The following RAD54L variants were observed in gnomAD, a reference collection of about 807,000 sequenced individuals.
RAD54L encodes the protein DNA repair and recombination protein RAD54-like.
A neutral mutation model predicts 91.6 loss-of-function variants in RAD54L; 74 were observed. The ratio of observed to expected loss-of-function variants is 0.81; its 90% confidence interval spans 0.67 to 0.98. The LOEUF is 0.98. Among genes scored for constraint, RAD54L ranks in the 50% least tolerant of loss-of-function variants. The pLI is 0.00. For synonymous variants in RAD54L, 304 were observed against 349.7 expected (o/e 0.87, Z 1.46); for missense variants, 887 against 945.7 (o/e 0.94, Z 0.81).
Position 46,260,611 on chromosome 1 carries a change from G to A in RAD54L, c.477G>A (p.Glu159=). 6.2e-7 allele frequency: 1 copy of A among 1,614,000 alleles called. No individual in the cohort carries two copies. ...AGGTTTTGCGGCCTCATCAGAGAGA[G>A]GTAAATGAGGGTGAGGGGAACGAGG... is the stretch of plus-strand genomic sequence containing the variant. ...LSKVLRPHQR[E]GVKFLWECVT... is the part of the protein sequence containing the mutation. The change falls in exon 6 of 18, where the codon GAG becomes GAA. Residue 159 remains glutamate, a splice_region_variant and synonymous_variant. Coordinates refer to ENST00000371975, the MANE Select transcript of RAD54L (RefSeq NM_003579.4).
At chr1:46,275,128 G>T (rs1045010171) in intron 16 of RAD54L, among the ~76,000 whole-genome samples, 1 of 152,166 alleles carries the variant, frequency 6.6e-6, no homozygotes, top group Non-Finnish European at 1.5e-5. Context: ...CTTCCTTGCT[G>T]CAGTCCTCTA....
intron 10 of RAD54L, among the ~76,000 whole-genome samples, chr1:46,271,880 T>A (rs1486073327): frequency 6.6e-6 from 1 of 152,046 alleles, no homozygotes; most frequent in African/African-American, 2.4e-5. Flanking sequence ...CCTGTATCAA[T>A]GGGAAGCCTC....
chr1:46,261,444 A>C (rs1412279837), intron 8 of RAD54L, 59 bp downstream of exon 8: 12 of 1,600,538 alleles, frequency 7.5e-6, no homozygotes, highest in Non-Finnish European at 9.4e-6. Flanking sequence ...CTCTTCACTG[A>C]GTATTGCCTT....
chr1:46,248,514 G>A lies in RAD54L; in HGVS notation c.6G>A (p.Arg2=). 1.9e-6 allele frequency: 3 copies of A among 1,614,160 alleles called. No homozygotes were observed. The highest frequency in any genetic ancestry group is 1.6e-4 in the Middle Eastern group (1 of 6,062). The stretch of plus-strand genomic sequence containing the variant: ...CTGTTTCTGTTCTCCCTTTACAGAG[G>A]AGGAGCTTGGCTCCCAGCCAGCTGG... M[R]RSLAPSQLAK... Residue 2 remains arginine, a splice_region_variant and synonymous_variant, in exon 2 of 18, where the codon AGG becomes AGA. Coordinates refer to ENST00000371975, the MANE Select transcript of RAD54L (RefSeq NM_003579.4).
At chr1:46,276,479 C>G (rs901747046) in intron 16 of RAD54L, among the ~76,000 whole-genome samples, 9 of 152,158 alleles carry the variant, frequency 5.9e-5, no homozygotes, top group African/African-American at 2.2e-4. Flanking sequence ...GAATGTTGTT[C>G]TTAATGGCTC....
At chr1:46,264,654 C>T (rs972866789) in intron 8 of RAD54L, among the ~76,000 whole-genome samples, 3 of 152,224 alleles carry the variant, frequency 2.0e-5, no homozygotes, top group Admixed American at 6.5e-5. Flanking sequence ...TTGACGTCAT[C>T]GTCATCTCAA....
Position 46,265,752 on chromosome 1 carries a change from T to A in RAD54L, c.892-1707T>A, listed in dbSNP as rs1179646728. 1.3e-5 allele frequency among the ~76,000 whole-genome samples: 2 copies of A among 152,224 alleles called. No individual in the cohort carries two copies. Among genetic ancestry groups the A allele is most frequent in the African/African-American group, 2.4e-5 (1 of 41,456 alleles). On this transcript the variant is annotated intron_variant, in intron 8 of 17. Coordinates refer to ENST00000371975, the MANE Select transcript of RAD54L (RefSeq NM_003579.4). The surrounding 1 kb of genome is among the most constrained non-coding windows in gnomAD (Gnocchi z 4.8). ...ATAAAGTACAGTAGAGTGTGATTAG[T>A]ACTCTAGTATATATATTATGGATGA...
rs756150051 is a variant in RAD54L at position 46,278,142 on chromosome 1, G to T, written c.2104G>T (p.Asp702Tyr). ...PPPDGSDCTSDLAGWNHCTDK... is the reference protein window; with the variant it reads ...PPPDGSDCTSYLAGWNHCTDK... ...CCCTGATGGTTCTGACTGCACTTCA[G>T]ACCTGGCAGGGTGGAACCACTGCAC... Residue 702 changes from aspartate (D) to tyrosine (Y), a missense_variant, in exon 18 of 18, where the codon GAC (aspartate) becomes TAC (tyrosine). Asp to Tyr is a radical substitution (Grantham distance 160, BLOSUM62 -3). Coordinates refer to ENST00000371975, the MANE Select transcript of RAD54L (RefSeq NM_003579.4). 2 of 1,613,780 alleles carry T rather than the reference G, an allele frequency of 1.2e-6. No individual in the cohort carries two copies. The highest frequency in any genetic ancestry group is 2.2e-5 in the South Asian group (2 of 90,984).
chr1:46,253,741 T>TTTTTTTTTA (rs1659865630), intron 3 of RAD54L, among the ~76,000 whole-genome samples: 11 of 146,146 alleles, frequency 7.5e-5, no homozygotes, highest in Non-Finnish European at 9.0e-5. Context: ...TTTTTTTTTT[T>TTTTTTTTTA]GAGACAGAGT....
Position 46,261,195 on chromosome 1 carries a change from GTTTT to G in RAD54L, c.767-61_767-58del, listed in dbSNP as rs1277499745. The G allele has an allele frequency of 4.5e-6, 7 of 1,554,958 alleles. No homozygotes were observed. In the Admixed American group the frequency reaches 1.2e-4, roughly 27 times the overall value. On this transcript the variant is annotated intron_variant, in intron 7 of 17. Transcript: ENST00000371975. Reference sequence around the variant, plus strand: ...GGCTAAATTAAAGAACTGTCTAATTGTTTTTTTTGTTTTTTTTTTTTTCAAAAGA... The same window carrying G: ...GGCTAAATTAAAGAACTGTCTAATTGTTTTGTTTTTTTTTTTTTCAAAAGA...
At chr1:46,255,308 T>C (rs1308362098) in intron 3 of RAD54L, among the ~76,000 whole-genome samples, 1 of 152,178 alleles carries the variant, frequency 6.6e-6, no homozygotes, top group African/African-American at 2.4e-5. Context: ...AGTGATTCTC[T>C]GCAGAAATGG....
chr1:46,260,003 G>A lies in RAD54L; in HGVS notation c.311G>A (p.Gly104Glu), dbSNP rs753238221. 6.2e-7 allele frequency: 1 copy of A among 1,614,114 alleles called. No homozygotes were observed. The highest frequency in any genetic ancestry group is 8.5e-7 in the Non-Finnish European group (1 of 1,180,014). ...CGAGCATTGGGCCTGAAAAGGGCTG[G>A]GGTCCGCCGGGCCCTCCATGACCCC... ...GSRALGLKRA[G>E]VRRALHDPLE... is the part of the protein sequence containing the mutation. Residue 104 changes from glycine (G) to glutamate (E), a missense_variant, in exon 5 of 18, where the codon GGG becomes GAG. Gly to Glu is a moderately conservative substitution (Grantham distance 98). Transcript: ENST00000371975.
In RAD54L at chr1:46,261,395, T is replaced by C. The variant is rs1417049658; in HGVS notation, c.891+10T>C. 1 of 1,614,056 alleles carries C rather than the reference T, an allele frequency of 6.2e-7. No individual in the cohort carries two copies. The highest frequency in any genetic ancestry group is 1.7e-5 in the Admixed American group (1 of 60,018). ...GGTCATATGTGACGAGGTACTTGACTCTCAGCAGTCTGGGTGGTAGGAGAA... is the reference window on the plus strand; with the variant it reads ...GGTCATATGTGACGAGGTACTTGACCCTCAGCAGTCTGGGTGGTAGGAGAA... On this transcript the variant is annotated intron_variant, in intron 8 of 17. Coordinates refer to ENST00000371975, the MANE Select transcript of RAD54L (RefSeq NM_003579.4).
intron 3 of RAD54L, among the ~76,000 whole-genome samples, chr1:46,257,174 C>G (rs375611750): frequency 7.1e-6 from 1 of 141,138 alleles, no homozygotes; most frequent in African/African-American, 2.6e-5. Flanking sequence ...CCCCAAAAAA[C>G]AAATAAAGTA....
intron 9 of RAD54L, among the ~76,000 whole-genome samples, chr1:46,268,219 A>T (rs1229330016): frequency 6.6e-6 from 1 of 152,118 alleles, no homozygotes; most frequent in African/African-American, 2.4e-5. Flanking sequence ...TAAGAAAATT[A>T]GCTGGGTGTG....
chr1:46,248,234 A>G lies in RAD54L; in HGVS notation c.-172A>G, dbSNP rs1659701733. The G allele has an allele frequency of 4.7e-6, 4 of 851,532 alleles. No homozygotes were observed. In the South Asian group the frequency reaches 5.8e-5, roughly 12 times the overall value. The allele number at this position is 851,532 out of a possible 1,614,324, so 52.7% of individuals were successfully genotyped here. On this transcript the variant is annotated 5_prime_UTR_variant, in exon 1 of 18. Transcript: ENST00000371975. ...CCACTCTCACAGTTTGGTTCCAAAC[A>G]CCAGTTCCTGGATGGATTCCCGCCA...
At chr1:46,258,442 A>G (rs1351173516) in intron 3 of RAD54L, among the ~76,000 whole-genome samples, 1 of 152,180 alleles carries the variant, frequency 6.6e-6, no homozygotes, top group Non-Finnish European at 1.5e-5. Flanking sequence ...CCAAGGTGCT[A>G]TACCCTAGGG....
In RAD54L at chr1:46,267,591, GT is replaced by G. The variant is rs776360282; in HGVS notation, c.1026del (p.Asn343IlefsTer5). Reference protein sequence around the residue: ...LLEYFSLVHFVNSGILGTAHE... With the variant: ...LLEYFSLVHFXNSGILGTAHE... Reference sequence around the variant, plus strand: ...TGAGTATTTCAGCTTGGTACATTTTGTTAATTCCGGCATCCTAGGTAAGAAT... The same window carrying G: ...TGAGTATTTCAGCTTGGTACATTTTGTAATTCCGGCATCCTAGGTAAGAAT... On this transcript the variant is annotated frameshift_variant, in exon 9 of 18. Coordinates refer to ENST00000371975, the MANE Select transcript of RAD54L (RefSeq NM_003579.4). LOFTEE classifies it high-confidence loss of function. 17 of 1,612,718 alleles carry G rather than the reference GT, an allele frequency of 1.1e-5. No individual in the cohort carries two copies. The highest frequency in any genetic ancestry group is 1.4e-5 in the Non-Finnish European group (17 of 1,178,836).
At chr1:46,257,607 C>G (rs1050283112) in intron 3 of RAD54L, among the ~76,000 whole-genome samples, 9 of 152,214 alleles carry the variant, frequency 5.9e-5, no homozygotes, top group Admixed American at 3.9e-4. Context: ...GGAGGAGTCA[C>G]CAGTGCTACC....
Sources: gnomAD v4.1 joint callset for allele counts (sites outside exome capture counted in the v4.1 genomes callset) on GRCh38, gnomAD v4.1.1 for gene constraint, Gnocchi (gnomAD v3.1) non-coding constraint, MANE v1.5 for transcripts, NCBI Gene and HGNC (gene_info 2026-07-23, HGNC 2026-07-21) for gene names.